Variants in SEMA6D observed in about 807,000 individuals in gnomAD.
The protein encoded by SEMA6D is semaphorin-6D.
Under a neutral mutation model 106.6 loss-of-function variants are expected in SEMA6D, and 35 were observed. The observed-to-expected ratio is 0.33, with a 90% CI of 0.25 to 0.44. The LOEUF (loss-of-function observed/expected upper bound fraction) is 0.44, where lower values mean the gene tolerates loss of function less well. SEMA6D is among the 20% of genes least tolerant of loss of function. The pLI is 1.00. For missense variants in SEMA6D, 1,185 were observed against 1,345.9 expected, an observed-to-expected ratio of 0.88 and a Z score of 1.87; for synonymous variants, 499 against 487.7, an observed-to-expected ratio of 1.02 and a Z score of -0.31.
At chr15:47,427,477 C>T (rs1178071646) in intron 2 of SEMA6D, among the ~76,000 whole-genome samples, 1 of 152,044 alleles carries the variant, frequency 6.6e-6, no homozygotes, top group Non-Finnish European at 1.5e-5. Flanking sequence ...TTATAACAGC[C>T]CATGGAATTA....
chr15:47,724,831 A>C (rs1430493097), intron 1 of SEMA6D, among the ~76,000 whole-genome samples: 1 of 152,220 alleles, frequency 6.6e-6, no homozygotes, highest in Admixed American at 6.5e-5. Flanking sequence ...AATAGGATCA[A>C]TCTTGTGGCA....
chr15:47,582,637 C>T (rs1245499085), intron 3 of SEMA6D, among the ~76,000 whole-genome samples: 3 of 152,180 alleles, frequency 2.0e-5, no homozygotes, highest in Admixed American at 2.0e-4. Context: ...GTCCTGCAGT[C>T]CTGCCTGCAG....
chr15:47,473,790 A>G (rs940386648), intron 3 of SEMA6D, among the ~76,000 whole-genome samples: 25 of 152,162 alleles, frequency 1.6e-4, no homozygotes, highest in Admixed American at 9.2e-4. Context: ...ACACTGCTCG[A>G]AACTCATCAT....
At chr15:47,432,693 G>A (rs960440643) in intron 2 of SEMA6D, among the ~76,000 whole-genome samples, 119 of 149,642 alleles carry the variant, frequency 8.0e-4, no homozygotes, top group African/African-American at 2.8e-3. Flanking sequence ...AACAGAACAG[G>A]CAACTGAGCT....
In SEMA6D at chr15:47,604,866, A is replaced by ATT. The variant is rs56218960; in HGVS notation, c.-55+3982_-55+3983dup. 6.2e-3 allele frequency among the ~76,000 whole-genome samples: 900 copies of ATT among 144,174 alleles called. 27 individuals carry two copies. In the East Asian group the frequency reaches 0.064, roughly 10 times the overall value. The allele number at this position is 144,174 out of a possible 152,430, so 94.6% of individuals were successfully genotyped here. ...CGCCCACCACCACCATGCCTGGCTA[A>ATT]TTTTTTTTTTTTTGTATTTTTAGTA... On this transcript the variant is annotated intron_variant, in intron 4 of 19. Transcript: ENST00000558014.
At chr15:47,349,644 A>G (rs1184863460) in intron 1 of SEMA6D, among the ~76,000 whole-genome samples, 3 of 152,182 alleles carry the variant, frequency 2.0e-5, no homozygotes, top group African/African-American at 7.2e-5. Context: ...TTAAGCAGAG[A>G]TTGCTATTAC....
intron 18 of SEMA6D, among the ~76,000 whole-genome samples, chr15:47,769,498 T>G (rs1386003400): frequency 6.6e-6 from 1 of 152,190 alleles, no homozygotes; most frequent in African/African-American, 2.4e-5. Flanking sequence ...ACACCATTTT[T>G]TTCTACTTTT....
intron 4 of SEMA6D, among the ~76,000 whole-genome samples, chr15:47,651,020 C>T (rs2077679318): frequency 6.6e-6 from 1 of 152,156 alleles, no homozygotes; most frequent in African/African-American, 2.4e-5. Flanking sequence ...TTTCTGGGCA[C>T]ATTCATAATT....
At chr15:47,423,137 A>G (rs962998013) in intron 2 of SEMA6D, among the ~76,000 whole-genome samples, 2 of 152,128 alleles carry the variant, frequency 1.3e-5, no homozygotes, top group East Asian at 1.9e-4. Flanking sequence ...TGCATATATT[A>G]TAAAGTGATG....
At chr15:47,368,493 C>T (rs887858205) in intron 1 of SEMA6D, among the ~76,000 whole-genome samples, 14 of 151,744 alleles carry the variant, frequency 9.2e-5, no homozygotes, top group South Asian at 6.2e-4. Context: ...TTTTTTGAGA[C>T]GGAGTCTCGC....
intron 1 of SEMA6D, among the ~76,000 whole-genome samples, chr15:47,293,397 G>T (rs1780725403): frequency 6.6e-6 from 1 of 152,156 alleles, no homozygotes; most frequent in Non-Finnish European, 1.5e-5. Context: ...CTTTACAATT[G>T]TGCGTTGTTG....
intron 4 of SEMA6D, among the ~76,000 whole-genome samples, chr15:47,679,201 A>G (rs1291746998): frequency 6.6e-6 from 1 of 152,196 alleles, no homozygotes. Context: ...TTGACATGAG[A>G]TTAAAACATT....
At chr15:47,711,288 C>A (rs1333336217) in intron 4 of SEMA6D, among the ~76,000 whole-genome samples, 6 of 110,784 alleles carry the variant, frequency 5.4e-5, no homozygotes, top group African/African-American at 1.8e-4. Flanking sequence ...CCAGCCTGGG[C>A]GACAGAGCGA....
intron 1 of SEMA6D, among the ~76,000 whole-genome samples, chr15:47,231,933 A>G (rs1202384538): frequency 6.6e-6 from 1 of 151,988 alleles, no homozygotes; most frequent in African/African-American, 2.4e-5. Context: ...TATTGTGCAA[A>G]CATCACCACT....
intron 1 of SEMA6D, among the ~76,000 whole-genome samples, chr15:47,282,828 C>G (rs561906733): frequency 1.3e-5 from 2 of 152,132 alleles, no homozygotes; most frequent in Non-Finnish European, 2.9e-5. Flanking sequence ...CTCAAACCAT[C>G]TTTTCCCTTT....
At chr15:47,336,394 G>C (rs2037557763) in intron 1 of SEMA6D, among the ~76,000 whole-genome samples, 1 of 152,142 alleles carries the variant, frequency 6.6e-6, no homozygotes. Context: ...TGCTGGTAGG[G>C]ACAAATTCTC....
intron 3 of SEMA6D, chr15:47,581,327 C>T (rs1424113533): frequency 4.1e-6 from 2 of 489,878 alleles, no homozygotes; most frequent in African/African-American, 4.0e-5. Context: ...TTTAGGAACA[C>T]ATATGTCACC....
In SEMA6D at chr15:47,387,036, G is replaced by GTA. The variant is rs33976121; in HGVS notation, c.-238-25356_-238-25355insAT. 2.0e-4 allele frequency among the ~76,000 whole-genome samples: 9 copies of GTA among 44,186 alleles called. No individual in the cohort carries two copies. In the African/African-American group the frequency reaches 7.5e-3, roughly 37 times the overall value. The allele number at this position is 44,186 out of a possible 152,430, so 29.0% of individuals were successfully genotyped here. On this transcript the variant is annotated intron_variant, in intron 1 of 19. Transcript: ENST00000558014. Reference sequence around the variant, plus strand: ...TGCTTCACTGCACGGGCCCTGCTGCGTGTGGCTCCATCATGCTCCCAGTGG... The same window carrying GTA: ...TGCTTCACTGCACGGGCCCTGCTGCGTATGTGGCTCCATCATGCTCCCAGTGG...
intron 3 of SEMA6D, among the ~76,000 whole-genome samples, chr15:47,519,271 T>G (rs1419994656): frequency 6.6e-6 from 1 of 152,230 alleles, no homozygotes; most frequent in Non-Finnish European, 1.5e-5. Flanking sequence ...TAGGCTTGTT[T>G]ACACTGGCAT....
Sources: gnomAD v4.1 joint callset for allele counts (sites outside exome capture counted in the v4.1 genomes callset) on GRCh38, gnomAD v4.1.1 for gene constraint, MANE v1.5 for transcripts, NCBI Gene and HGNC (gene_info 2026-07-23, HGNC 2026-07-21) for gene names.